Variants in ATG7 observed in about 807,000 individuals in gnomAD.
ATG7 encodes autophagy related 7, also known as ubiquitin-like modifier-activating enzyme ATG7.
ATG7 carries 70 observed loss-of-function variants against 82.4 expected under a neutral mutation model. The observed-to-expected ratio is 0.85, with a 90% CI of 0.70 to 1.04. The LOEUF (loss-of-function observed/expected upper bound fraction) is 1.04, where lower values mean the gene tolerates loss of function less well. Ranked by LOEUF, ATG7 falls within the 50% of genes least tolerant of loss-of-function variation. ATG7 has a pLI of 0.00. For missense variants in ATG7, 792 were observed against 864.3 expected (o/e 0.92, Z 1.05); for synonymous variants, 287 against 313.0 (o/e 0.92, Z 0.88).
intron 17 of ATG7, 67 bp downstream of exon 17, chr3:11,362,995 C>G: frequency 7.4e-7 from 1 of 1,350,368 alleles, no homozygotes; most frequent in Non-Finnish European, 1.0e-6. Flanking sequence ...ATCAGTGTCT[C>G]CCATGGCCTT....
At chr3:11,304,734 C>G (rs138568777) in intron 5 of ATG7, 66 of 152,370 alleles carry the variant, frequency 4.3e-4, no homozygotes, top group African/African-American at 1.5e-3. Context: ...GCCCAGTCTT[C>G]CGGCCTTTGT....
intron 20 of ATG7, among the ~76,000 whole-genome samples, chr3:11,457,048 A>G (rs2152993088): frequency 6.6e-6 from 1 of 152,318 alleles, no homozygotes; most frequent in South Asian, 2.1e-4. Flanking sequence ...GTTTTTACTC[A>G]TGTATCACCA....
chr3:11,396,281 T>C (rs1009918655), intron 19 of ATG7, among the ~76,000 whole-genome samples: 2 of 152,038 alleles, frequency 1.3e-5, no homozygotes, highest in African/African-American at 4.8e-5. Flanking sequence ...ACCCCATCTT[T>C]ACTAAAAATA....
intron 19 of ATG7, among the ~76,000 whole-genome samples, chr3:11,424,575 G>A (rs73122122): frequency 0.027 from 3,941 of 146,270 alleles, 190 homozygotes; most frequent in African/African-American, 0.093. Context: ...TATTATCGGT[G>A]GCAATTAAAT....
chr3:11,297,385 A>G (rs1032211987), intron 3 of ATG7, among the ~76,000 whole-genome samples: 5 of 152,114 alleles, frequency 3.3e-5, no homozygotes, highest in African/African-American at 4.8e-5. Context: ...GACTGTTCAT[A>G]TGTTCTGCTG....
At chr3:11,278,266 T>G (rs1942316371) in intron 1 of ATG7, among the ~76,000 whole-genome samples, 1 of 152,216 alleles carries the variant, frequency 6.6e-6, no homozygotes, top group Non-Finnish European at 1.5e-5. Context: ...ATTATAAAAG[T>G]ATTAATTTTT....
At chr3:11,502,445 A>G (rs572138434) in intron 20 of ATG7, among the ~76,000 whole-genome samples, 320 of 138,728 alleles carry the variant, frequency 2.3e-3, no homozygotes, top group African/African-American at 6.7e-3. Context: ...TCATTGTTCA[A>G]TTCCCACCTA....
chr3:11,313,428 C>G lies in ATG7; in HGVS notation c.528+8C>G. The G allele has an allele frequency of 6.4e-7, 1 of 1,573,572 alleles. No individual in the cohort carries two copies. The highest frequency in any genetic ancestry group is 8.7e-7 in the Non-Finnish European group (1 of 1,149,538). On this transcript the variant is annotated splice_region_variant and intron_variant, in intron 8 of 20. Transcript: ENST00000693202. ...AGGTTTTCACTAAAACAGGTATCAA[C>G]AAATAACCAAAATGCACATAAAATT...
rs72177700 is a variant in ATG7 at position 11,440,674 on chromosome 3, CTTTTT to C, written c.2079+13770_2079+13774del. 5.4e-3 allele frequency among the ~76,000 whole-genome samples: 213 copies of C among 39,472 alleles called. 2 individuals are homozygous for C. Among genetic ancestry groups the C allele is most frequent in the African/African-American group, 0.021 (195 of 9,190 alleles). The allele number at this position is 39,472 out of a possible 152,430, so 25.9% of individuals were successfully genotyped here. On this transcript the variant is annotated intron_variant, in intron 20 of 20. Transcript: ENST00000693202. Reference sequence around the variant, plus strand: ...TTAGGGAAGAGTTGGTCCCCATTTGCTTTTTTTTTTTTTTTTTTTTTTTTTTGAGA... The same window carrying C: ...TTAGGGAAGAGTTGGTCCCCATTTGCTTTTTTTTTTTTTTTTTTTTTGAGA...
chr3:11,436,296 G>A (rs1412934948), intron 20 of ATG7, among the ~76,000 whole-genome samples: 1 of 152,140 alleles, frequency 6.6e-6, no homozygotes. Flanking sequence ...CCAGTAAGAT[G>A]GCTATAATCA....
At chr3:11,464,929 C>A (rs1466171863) in intron 20 of ATG7, among the ~76,000 whole-genome samples, 3 of 152,134 alleles carry the variant, frequency 2.0e-5, no homozygotes, top group Non-Finnish European at 4.4e-5. Context: ...GTATTTGAAG[C>A]ACTTTGCACA....
chr3:11,285,139 C>CT lies in ATG7; in HGVS notation c.-11+2721dup, dbSNP rs34116945. The stretch of plus-strand genomic sequence containing the variant: ...TGCTAGGATTACAGGTGTGAGCCAC[C>CT]TTTTTTTTTTTTTTTTTTTTAAAAG... On this transcript the variant is annotated intron_variant, in intron 3 of 20. Coordinates refer to ENST00000693202, the MANE Select transcript of ATG7 (RefSeq NM_001349232.2). 2.7e-3 allele frequency among the ~76,000 whole-genome samples: 280 copies of CT among 104,092 alleles called. 3 individuals are homozygous for CT. Among genetic ancestry groups the CT allele is most frequent in the Middle Eastern group, 0.019 (2 of 104 alleles). The allele number at this position is 104,092 out of a possible 152,430, so 68.3% of individuals were successfully genotyped here. A position where few individuals can be genotyped will look rare whatever the true frequency, so the allele number is the denominator to read the frequency against.
intron 3 of ATG7, among the ~76,000 whole-genome samples, chr3:11,292,043 G>A (rs1433042644): frequency 3.3e-5 from 5 of 152,296 alleles, no homozygotes; most frequent in East Asian, 3.9e-4. Flanking sequence ...TGACCCGTGA[G>A]TATATCACTG....
chr3:11,515,197 A>G (rs1364946640), intron 20 of ATG7, among the ~76,000 whole-genome samples: 1 of 152,120 alleles, frequency 6.6e-6, no homozygotes. Context: ...TTTAGTTTTA[A>G]TTCAAGAAAA....
intron 20 of ATG7, among the ~76,000 whole-genome samples, chr3:11,429,165 A>T (rs6764721): frequency 0.82 from 125,201 of 151,888 alleles, 51,811 homozygotes; most frequent in East Asian, 1. Flanking sequence ...TGGCCTGCCC[A>T]GTTTGTTAAA....
intron 20 of ATG7, among the ~76,000 whole-genome samples, chr3:11,551,380 G>A (rs572259776): frequency 6.6e-6 from 1 of 152,322 alleles, no homozygotes; most frequent in South Asian, 2.1e-4. Context: ...CTTTGTTAAT[G>A]TATTCACTTT....
chr3:11,566,229 CCACA>C, the ATG7 span, among the ~76,000 whole-genome samples: 191 of 151,890 alleles, frequency 1.3e-3, 1 homozygote, highest in Middle Eastern at 6.8e-3. Context: ...CACACGCACA[CCACA>C]CACACACACG....
intron 13 of ATG7, among the ~76,000 whole-genome samples, chr3:11,347,471 G>T (rs1954729808): frequency 6.6e-6 from 1 of 152,158 alleles, no homozygotes; most frequent in African/African-American, 2.4e-5. Context: ...GGCTTTAAAT[G>T]AGCTTCAAGA....
intron 20 of ATG7, among the ~76,000 whole-genome samples, chr3:11,450,714 C>T (rs935296614): frequency 5.9e-5 from 9 of 152,190 alleles, no homozygotes; most frequent in Non-Finnish European, 1.3e-4. Context: ...CATTAAGCTT[C>T]CTCTTTCCAA....
Sources: allele counts gnomAD v4.1 joint callset (sites outside exome capture counted in the v4.1 genomes callset), GRCh38; gene constraint gnomAD v4.1.1; transcripts MANE v1.5; gene names NCBI Gene and HGNC (gene_info 2026-07-23, HGNC 2026-07-21).